The following GALNT14 variants were observed in gnomAD, a reference collection of about 807,000 sequenced individuals.
GALNT14 encodes polypeptide N-acetylgalactosaminyltransferase 14.
Under a neutral mutation model 77.5 loss-of-function variants are expected in GALNT14, and 60 were observed. The observed-to-expected ratio is 0.77, with a 90% CI of 0.63 to 0.96. The LOEUF (loss-of-function observed/expected upper bound fraction) is 0.96, where lower values mean the gene tolerates loss of function less well. Ranked by LOEUF, GALNT14 falls within the 40% of genes least tolerant of loss-of-function variation. The pLI is 0.00. For missense variants in GALNT14, 710 were observed against 731.0 expected (o/e 0.97, Z 0.33); for synonymous variants, 280 against 281.7 (o/e 0.99, Z 0.06).
the GALNT14 span, among the ~76,000 whole-genome samples, chr2:30,901,245 A>G: frequency 3.3e-5 from 5 of 152,218 alleles, no homozygotes; most frequent in Admixed American, 6.5e-5. Context: ...TACAAAGTAC[A>G]GAAGGAAACT....
chr2:31,049,596 A>G (rs980769611), intron 1 of GALNT14, among the ~76,000 whole-genome samples: 5 of 152,278 alleles, frequency 3.3e-5, no homozygotes, highest in Admixed American at 3.3e-4. Flanking sequence ...TGGAGGTCAG[A>G]GGTTGGGGGA....
intron 1 of GALNT14, among the ~76,000 whole-genome samples, chr2:31,057,982 G>A (rs372283001): frequency 9.2e-5 from 14 of 152,026 alleles, no homozygotes; most frequent in African/African-American, 2.2e-4. Context: ...AGCTCCTGTC[G>A]GGGACCTCTG....
intron 1 of GALNT14, among the ~76,000 whole-genome samples, chr2:31,031,059 G>A (rs939442579): frequency 4.6e-5 from 7 of 152,182 alleles, no homozygotes; most frequent in Admixed American, 6.5e-5. Context: ...TGTACAATTC[G>A]AATATGAGAA....
chr2:31,029,300 G>T (rs1558506979), intron 1 of GALNT14, among the ~76,000 whole-genome samples: 1 of 152,228 alleles, frequency 6.6e-6, no homozygotes, highest in East Asian at 1.9e-4. Context: ...CTATTAAACA[G>T]ACCCTGCCAC....
chr2:30,934,760 C>T (rs1264854398), intron 9 of GALNT14, among the ~76,000 whole-genome samples: 2 of 152,212 alleles, frequency 1.3e-5, no homozygotes, highest in Admixed American at 6.5e-5. Context: ...AACGCTCTGC[C>T]TCTGAGCATT....
At chr2:30,964,049 G>C (rs1667849260) in intron 3 of GALNT14, among the ~76,000 whole-genome samples, 1 of 152,218 alleles carries the variant, frequency 6.6e-6, no homozygotes, top group Non-Finnish European at 1.5e-5. Context: ...GAAGGGCCCA[G>C]AGGAAGCCCC....
Position 31,027,352 on chromosome 2 carries a change from G to A in GALNT14, c.130-34345C>T, listed in dbSNP as rs1422257313. On this transcript the variant is annotated intron_variant, in intron 1 of 14. Coordinates refer to ENST00000349752, the MANE Select transcript of GALNT14 (RefSeq NM_024572.4). ...GAATAACTTGTACCTGGGAGGCAGA[G>A]GTTGCAGTGAGCTGAGATCGCGCCA... Among the ~76,000 whole-genome samples the A allele has an allele frequency of 8.6e-5, 13 of 151,808 alleles. 1 individual carries two copies. The highest frequency in any genetic ancestry group is 2.6e-4 in the Admixed American group (4 of 15,246).
chr2:31,043,732 C>T (rs905190911), intron 1 of GALNT14, among the ~76,000 whole-genome samples: 17 of 152,228 alleles, frequency 1.1e-4, no homozygotes, highest in African/African-American at 4.1e-4. Flanking sequence ...CTGTTACCTA[C>T]TAGGTCCTGT....
intron 2 of GALNT14, among the ~76,000 whole-genome samples, chr2:30,974,175 C>T (rs1043229983): frequency 1.3e-5 from 2 of 152,152 alleles, no homozygotes; most frequent in African/African-American, 4.8e-5. Flanking sequence ...CACTATGTGC[C>T]AAAACCAAGA....
intron 1 of GALNT14, among the ~76,000 whole-genome samples, chr2:31,070,092 C>G (rs1305425899): frequency 6.6e-6 from 1 of 152,134 alleles, no homozygotes; most frequent in Non-Finnish European, 1.5e-5. Context: ...GAGAAGAAGC[C>G]AGAAGCCACC....
At chr2:30,929,817 G>T (rs1472095550) in intron 10 of GALNT14, among the ~76,000 whole-genome samples, 1 of 152,154 alleles carries the variant, frequency 6.6e-6, no homozygotes, top group Non-Finnish European at 1.5e-5. Flanking sequence ...CTTGGGGATG[G>T]GACTCACATC....
intron 1 of GALNT14, among the ~76,000 whole-genome samples, chr2:31,096,333 C>T (rs1677003161): frequency 6.6e-6 from 1 of 152,182 alleles, no homozygotes; most frequent in Admixed American, 6.6e-5. Context: ...GCACATTATT[C>T]TGCCTATTAC....
chr2:30,932,571 T>A (rs1436528460), intron 9 of GALNT14, among the ~76,000 whole-genome samples: 1 of 152,140 alleles, frequency 6.6e-6, no homozygotes, highest in Non-Finnish European at 1.5e-5. Flanking sequence ...TCTGGTTAGA[T>A]GCACTCCCTG....
Position 30,924,245 on chromosome 2 carries a change from G to A in GALNT14, c.1254C>T (p.Ser418=). Residue 418 remains serine (S), a synonymous_variant, in exon 13 of 15, where the codon TCC becomes TCT. Coordinates refer to ENST00000349752, the MANE Select transcript of GALNT14 (RefSeq NM_024572.4). ...YPELSIPKES[S]IQKGNIRQRQ... ...TCTGTCGGATATTGCCCTTCTGGATGGAGGACTCCTTGGGGATGCTGGAGG... is the reference window on the plus strand; with the variant it reads ...TCTGTCGGATATTGCCCTTCTGGATAGAGGACTCCTTGGGGATGCTGGAGG... 2 of 1,614,190 alleles carry A rather than the reference G, an allele frequency of 1.2e-6. No individual in the cohort carries two copies. Among genetic ancestry groups the A allele is most frequent in the South Asian group, 2.2e-5 (2 of 91,082 alleles).
In GALNT14 at chr2:30,946,376, C is replaced by T. The variant is rs189301089; in HGVS notation, c.655-506G>A. 6.6e-5 allele frequency among the ~76,000 whole-genome samples: 10 copies of T among 152,294 alleles called. No homozygotes were observed. The East Asian group carries it at 1.9e-3, about 29-fold the overall frequency. ...GGTGGATTTCTCATGAATGGCTTAA[C>T]ACTATCCCCTTGGTGCTGTTCTGGT... On this transcript the variant is annotated intron_variant, in intron 6 of 14. Transcript: ENST00000349752.
intron 1 of GALNT14, among the ~76,000 whole-genome samples, chr2:31,001,455 G>A (rs975979325): frequency 6.6e-6 from 1 of 152,130 alleles, no homozygotes; most frequent in Non-Finnish European, 1.5e-5. Context: ...CCCAAAAGGT[G>A]GAAAAGCTAA....
chr2:31,093,954 T>G lies in GALNT14; in HGVS notation c.129+44004A>C, dbSNP rs191859300. 1.9e-3 allele frequency among the ~76,000 whole-genome samples: 285 copies of G among 152,288 alleles called. 4 individuals are homozygous for G. The highest frequency in any genetic ancestry group is 6.5e-3 in the African/African-American group (271 of 41,570). On this transcript the variant is annotated intron_variant, in intron 1 of 14. Coordinates refer to ENST00000349752, the MANE Select transcript of GALNT14 (RefSeq NM_024572.4). Reference sequence around the variant, plus strand: ...TTAAATCCAAGTGATTCACATTTACTTTAGTGCAATAAGATCTACCCTAGC... The same window carrying G: ...TTAAATCCAAGTGATTCACATTTACGTTAGTGCAATAAGATCTACCCTAGC...
intron 1 of GALNT14, among the ~76,000 whole-genome samples, chr2:30,998,434 C>T (rs1345588208): frequency 6.6e-6 from 1 of 152,150 alleles, no homozygotes; most frequent in African/African-American, 2.4e-5. Context: ...CTTTCCTGAG[C>T]TTGGTACTAC....
Position 30,938,384 on chromosome 2 carries a change from A to ACACACACACTCTCT in GALNT14, c.931+3816_931+3817insAGAGAGTGTGTGTG, listed in dbSNP as rs1174119035. On this transcript the variant is annotated intron_variant, in intron 9 of 14. Transcript: ENST00000349752. ...TACACACACACACACACACACACAC[A>ACACACACACTCTCT]CTCTCTCTCTCTCTCTCTCTCTCTA... Among the ~76,000 whole-genome samples the ACACACACACTCTCT allele has an allele frequency of 5.0e-3, 703 of 141,724 alleles. 5 individuals carry two copies. The highest frequency in any genetic ancestry group is 0.017 in the African/African-American group (666 of 38,214). 93.0% of individuals were successfully genotyped at this position (141,724 alleles called of 152,430 possible). A position where few individuals can be genotyped will look rare whatever the true frequency, so the allele number is the denominator to read the frequency against.
Sources: gnomAD v4.1 joint callset for allele counts (sites outside exome capture counted in the v4.1 genomes callset) on GRCh38, gnomAD v4.1.1 for gene constraint, MANE v1.5 for transcripts, NCBI Gene and HGNC (gene_info 2026-07-23, HGNC 2026-07-21) for gene names.